Variants in DCLK1 observed in about 807,000 individuals in gnomAD.
DCLK1 encodes the protein serine/threonine-protein kinase DCLK1.
A neutral mutation model predicts 86.2 loss-of-function variants in DCLK1; 16 were observed. The ratio of observed to expected loss-of-function variants is 0.19; its 90% CI spans 0.13 to 0.28. The LOEUF is 0.28. Ranked by LOEUF, DCLK1 falls within the 10% of genes least tolerant of loss-of-function variation. The pLI, the probability that DCLK1 is intolerant of heterozygous loss-of-function variation, is 1.00. For missense variants in DCLK1, 590 were observed against 940.2 expected (o/e 0.63, Z 4.87); for synonymous variants, 369 against 370.5 (o/e 1.00, Z 0.05).
At chr13:36,109,446 C>T (rs1885532049) in intron 3 of DCLK1, among the ~76,000 whole-genome samples, 1 of 152,190 alleles carries the variant, frequency 6.6e-6, no homozygotes, top group African/African-American at 2.4e-5. Context: ...CAGTTTAAAT[C>T]GTAGCTGTGT....
At chr13:35,811,218 G>T (rs1439614012) in intron 11 of DCLK1, among the ~76,000 whole-genome samples, 1 of 151,902 alleles carries the variant, frequency 6.6e-6, no homozygotes, top group Non-Finnish European at 1.5e-5. Context: ...ACAACGAGAG[G>T]TTACATGACC....
chr13:36,061,326 C>A (rs1883540496), intron 3 of DCLK1, among the ~76,000 whole-genome samples: 1 of 152,010 alleles, frequency 6.6e-6, no homozygotes, highest in African/African-American at 2.4e-5. Flanking sequence ...AAAAACATAC[C>A]CCATTACACA....
chr13:35,819,675 T>C (rs1375118307), intron 11 of DCLK1, among the ~76,000 whole-genome samples: 1 of 152,130 alleles, frequency 6.6e-6, no homozygotes, highest in African/African-American at 2.4e-5. Flanking sequence ...CAAATCTTTA[T>C]ATTAACTTTA....
At chr13:35,867,571 C>T (rs946732116) in intron 5 of DCLK1, among the ~76,000 whole-genome samples, 9 of 152,074 alleles carry the variant, frequency 5.9e-5, no homozygotes, top group African/African-American at 9.7e-5. Context: ...ATGTGTCCTA[C>T]CCATTTTAAA....
At chr13:36,075,874 A>G (rs776077619) in intron 3 of DCLK1, among the ~76,000 whole-genome samples, 21 of 152,052 alleles carry the variant, frequency 1.4e-4, no homozygotes, top group Non-Finnish European at 2.8e-4. Context: ...CACACAAAAA[A>G]ATTAGCCGAA....
At chr13:35,838,984 C>A (rs530722801) in intron 7 of DCLK1, 108 bp downstream of exon 7, 18 of 982,444 alleles carry the variant, frequency 1.8e-5, no homozygotes, top group African/African-American at 1.8e-4. Flanking sequence ...CCCTCAGGAG[C>A]TGCTCAGCCT....
chr13:36,104,150 C>T (rs1885312052), intron 3 of DCLK1, among the ~76,000 whole-genome samples: 1 of 152,226 alleles, frequency 6.6e-6, no homozygotes. Flanking sequence ...GCACCATCAT[C>T]ATTTACAGCT....
chr13:35,972,565 T>C (rs1266125343), intron 3 of DCLK1, among the ~76,000 whole-genome samples: 1 of 152,052 alleles, frequency 6.6e-6, no homozygotes, highest in Non-Finnish European at 1.5e-5. Context: ...CATTGATATG[T>C]GGAGTCAACA....
At chr13:36,096,968 C>T (rs1327106066) in intron 3 of DCLK1, among the ~76,000 whole-genome samples, 1 of 152,136 alleles carries the variant, frequency 6.6e-6, no homozygotes, top group African/African-American at 2.4e-5. Flanking sequence ...GCTCACAGTG[C>T]TGAAACTGGC....
At chr13:35,896,580 C>A (rs1158386521) in intron 4 of DCLK1, among the ~76,000 whole-genome samples, 10 of 108,088 alleles carry the variant, frequency 9.3e-5, no homozygotes, top group East Asian at 2.8e-4. Flanking sequence ...GCTGTTAGAA[C>A]TTGATATATA....
intron 4 of DCLK1, among the ~76,000 whole-genome samples, chr13:35,940,385 T>C (rs186339270): frequency 1.3e-5 from 2 of 152,210 alleles, no homozygotes; most frequent in East Asian, 1.9e-4. Context: ...GCCTGGTACA[T>C]AGTAAGTTAG....
chr13:35,894,748 G>A (rs1447932595), intron 4 of DCLK1, among the ~76,000 whole-genome samples: 1 of 152,180 alleles, frequency 6.6e-6, no homozygotes, highest in African/African-American at 2.4e-5. Flanking sequence ...CGCCATTAAT[G>A]TGTAGGCACG....
At chr13:35,934,116 G>T (rs1371068383) in intron 4 of DCLK1, among the ~76,000 whole-genome samples, 1 of 152,102 alleles carries the variant, frequency 6.6e-6, no homozygotes, top group Admixed American at 6.6e-5. Flanking sequence ...AACATAACAA[G>T]ATTACCTTTG....
chr13:35,880,351 T>G (rs761687364), intron 4 of DCLK1, among the ~76,000 whole-genome samples: 5 of 152,174 alleles, frequency 3.3e-5, no homozygotes, highest in Admixed American at 1.3e-4. Context: ...ACCCGAGTGT[T>G]GCAGAAGGGC....
intron 7 of DCLK1, among the ~76,000 whole-genome samples, chr13:35,838,811 C>T (rs927923201): frequency 6.6e-6 from 1 of 152,106 alleles, no homozygotes; most frequent in Non-Finnish European, 1.5e-5. Flanking sequence ...CCAGCGATCC[C>T]CTCTTATTTC....
Position 35,769,368 on chromosome 13 carries a change from T to A in DCLK1, c.*5167A>T, listed in dbSNP as rs2086288965. 6.6e-6 allele frequency: 1 copy of A among 152,236 alleles called. No homozygotes were observed. Among genetic ancestry groups the A allele is most frequent in the Admixed American group, 6.5e-5 (1 of 15,288 alleles). The allele number at this position is 152,236 out of a possible 1,614,324, so 9.4% of individuals were successfully genotyped here. A position where few individuals can be genotyped will look rare whatever the true frequency, so the allele number is the denominator to read the frequency against. On this transcript the variant is annotated 3_prime_UTR_variant, in exon 17 of 17. Transcript: ENST00000360631. ...TCCCTACGCACCTTTTTAGTATGTATGAGCAAAATACTGTTGAATTTCACA... is the reference window on the plus strand; with the variant it reads ...TCCCTACGCACCTTTTTAGTATGTAAGAGCAAAATACTGTTGAATTTCACA...
intron 2 of DCLK1, among the ~76,000 whole-genome samples, chr13:36,121,942 GT>G (rs111304123): frequency 2.0e-5 from 3 of 152,078 alleles, no homozygotes; most frequent in African/African-American, 7.2e-5. Context: ...CCTGTTTTTT[GT>G]TTTTGCTTTT....
intron 3 of DCLK1, among the ~76,000 whole-genome samples, chr13:35,987,403 G>C (rs1879976370): frequency 6.6e-6 from 1 of 152,152 alleles, no homozygotes; most frequent in South Asian, 2.1e-4. Context: ...TTAGTGAAGA[G>C]AAATGCCTTA....
At chr13:35,939,081 G>A (rs1028771471) in intron 4 of DCLK1, among the ~76,000 whole-genome samples, 6 of 152,036 alleles carry the variant, frequency 3.9e-5, no homozygotes, top group East Asian at 1.9e-4. Flanking sequence ...ACTATGTTCC[G>A]GGACATTTCA....
Sources: allele counts gnomAD v4.1 joint callset (sites outside exome capture counted in the v4.1 genomes callset), GRCh38; gene constraint gnomAD v4.1.1; transcripts MANE v1.5; gene names NCBI Gene and HGNC (gene_info 2026-07-23, HGNC 2026-07-21).